CACNA1C: variants seen among roughly 807,000 people sequenced by gnomAD.
CACNA1C encodes the protein voltage-dependent L-type calcium channel subunit alpha-1C.
A neutral mutation model predicts 229.0 loss-of-function variants in CACNA1C; 30 were observed. The ratio of observed to expected loss-of-function variants is 0.13; its 90% CI spans 0.10 to 0.18. CACNA1C has a LOEUF of 0.18. Ranked by LOEUF, CACNA1C falls within the 10% of genes least tolerant of loss-of-function variation. The probability of loss-of-function intolerance (pLI) is 1.00; values close to 1 mark genes in which losing one functional copy is unlikely to be tolerated. For missense variants in CACNA1C, 1,658 were observed against 2,845.0 expected (o/e 0.58, Z 9.49); for synonymous variants, 1,114 against 1,132.5 (o/e 0.98, Z 0.33).
At chr12:2,095,050 G>C (rs542729230) in intron 1 of CACNA1C, among the ~76,000 whole-genome samples, 5 of 152,340 alleles carry the variant, frequency 3.3e-5, no homozygotes, top group Non-Finnish European at 7.3e-5. Context: ...ACGTAAATAA[G>C]TTGCCCGGGC....
intron 30 of CACNA1C, among the ~76,000 whole-genome samples, chr12:2,642,971 G>A (rs2093896369): frequency 6.6e-6 from 1 of 152,220 alleles, no homozygotes. Context: ...CTTCCAGCCA[G>A]CAAACTGGTC....
At chr12:2,004,431 T>A (rs762886785) in intron 1 of CACNA1C, 1 of 1,608,218 alleles carries the variant, frequency 6.2e-7, no homozygotes, top group Admixed American at 1.7e-5. Context: ...ACGGCTGCCA[T>A]CTTCCCTCCC....
intron 1 of CACNA1C, among the ~76,000 whole-genome samples, chr12:2,003,879 AC>A (rs898455097): frequency 6.6e-6 from 1 of 152,066 alleles, no homozygotes; most frequent in Non-Finnish European, 1.5e-5. Context: ...AGAACTCTGC[AC>A]TTTTATTCGT....
At chr12:2,255,883 C>A (rs12816047) in intron 3 of CACNA1C, among the ~76,000 whole-genome samples, 2 of 1,380 alleles carry the variant, frequency 1.4e-3, no homozygotes, top group African/African-American at 5.1e-3. Flanking sequence ...AATCACACGA[C>A]CCTGACCTGA....
chr12:2,666,884 C>A lies in CACNA1C; in HGVS notation c.4623+102C>A, dbSNP rs539936139. On this transcript the variant is annotated intron_variant, in intron 37 of 46. Transcript: ENST00000399655. This position sits in a 1 kb window ranked among gnomAD's most constrained non-coding sequence, Gnocchi z 5.3. ...GGGAATGAACATACTAGTTTATGTGCCTAAAGATTACATTTTAAGGGTCCT... is the reference window on the plus strand; with the variant it reads ...GGGAATGAACATACTAGTTTATGTGACTAAAGATTACATTTTAAGGGTCCT... 6.7e-6 allele frequency: 5 copies of A among 742,302 alleles called. No homozygotes were observed. Among genetic ancestry groups the A allele is most frequent in the Non-Finnish European group, 1.2e-5 (5 of 424,094 alleles). The allele number at this position is 742,302 out of a possible 1,614,324, so 46.0% of individuals were successfully genotyped here.
rs954931309 is a variant in CACNA1C at position 2,602,427 on chromosome 12, G to A, written c.2960+467G>A. Among the ~76,000 whole-genome samples the A allele has an allele frequency of 2.6e-5, 4 of 152,076 alleles. No homozygotes were observed. Among genetic ancestry groups the A allele is most frequent in the Non-Finnish European group, 5.9e-5 (4 of 68,010 alleles). On this transcript the variant is annotated intron_variant, in intron 22 of 46. Transcript: ENST00000399655. The surrounding 1 kb of genome is among the most constrained non-coding windows in gnomAD (Gnocchi z 4.4). ...TGTGTGTATATATATGTCTGTGTAAGTGTGGGGTGTATGTGTGCACGTGTG... is the reference window on the plus strand; with the variant it reads ...TGTGTGTATATATATGTCTGTGTAAATGTGGGGTGTATGTGTGCACGTGTG...
At chr12:2,013,548 T>C (rs892002498) in intron 1 of CACNA1C, among the ~76,000 whole-genome samples, 4 of 152,238 alleles carry the variant, frequency 2.6e-5, no homozygotes, top group Admixed American at 6.5e-5. Flanking sequence ...ATTTCTGTGA[T>C]GTCCTTGGGG....
intron 3 of CACNA1C, among the ~76,000 whole-genome samples, chr12:2,262,013 C>T (rs1010970985): frequency 5.3e-5 from 8 of 152,232 alleles, no homozygotes; most frequent in African/African-American, 1.9e-4. Context: ...GAAGGCAGTG[C>T]CAGGGCCAGG....
At chr12:2,547,770 C>A (rs2099884428) in intron 9 of CACNA1C, among the ~76,000 whole-genome samples, 1 of 152,190 alleles carries the variant, frequency 6.6e-6, no homozygotes, top group African/African-American at 2.4e-5. Context: ...CAGAGCTATT[C>A]CTCCAGGAGC....
intron 1 of CACNA1C, among the ~76,000 whole-genome samples, chr12:2,111,624 A>G (rs935595682): frequency 2.0e-5 from 3 of 152,106 alleles, no homozygotes; most frequent in African/African-American, 7.2e-5. Context: ...GGGAATGCCA[A>G]CAGTTGGGGA....
chr12:2,443,904 G>A (rs2099252258), intron 3 of CACNA1C, among the ~76,000 whole-genome samples: 1 of 152,190 alleles, frequency 6.6e-6, no homozygotes, highest in African/African-American at 2.4e-5. Context: ...TAGAAGGGCA[G>A]TCATGCCTCT....
At chr12:2,332,587 C>T (rs1456006907) in intron 3 of CACNA1C, among the ~76,000 whole-genome samples, 1 of 152,154 alleles carries the variant, frequency 6.6e-6, no homozygotes, top group Non-Finnish European at 1.5e-5. Flanking sequence ...AATGCAAAGA[C>T]GTATGCACAA....
At chr12:1,975,531 A>C (rs985426499) in intron 1 of CACNA1C, among the ~76,000 whole-genome samples, 1 of 152,136 alleles carries the variant, frequency 6.6e-6, no homozygotes, top group Non-Finnish European at 1.5e-5. Flanking sequence ...CTTATTAAGC[A>C]TTTAAGAAAA....
chr12:2,325,689 G>A (rs1179927367), intron 3 of CACNA1C, among the ~76,000 whole-genome samples: 1 of 152,230 alleles, frequency 6.6e-6, no homozygotes, highest in African/African-American at 2.4e-5. Context: ...TTCCCTTTGA[G>A]GGCAAACAGG....
chr12:2,528,910 C>T (rs1045465378), intron 9 of CACNA1C, among the ~76,000 whole-genome samples: 4 of 152,238 alleles, frequency 2.6e-5, no homozygotes, highest in South Asian at 2.1e-4. Flanking sequence ...GCCAAAAGGT[C>T]GCCCATTGGA....
intron 9 of CACNA1C, among the ~76,000 whole-genome samples, chr12:2,516,926 T>C (rs917181144): frequency 3.3e-5 from 5 of 152,206 alleles, no homozygotes. Context: ...GGTGTGAGTG[T>C]AGACAGAAGT....
At chr12:2,075,900 G>A (rs1225695508) in intron 1 of CACNA1C, among the ~76,000 whole-genome samples, 1 of 152,136 alleles carries the variant, frequency 6.6e-6, no homozygotes, top group Non-Finnish European at 1.5e-5. Flanking sequence ...AACAGGGGTT[G>A]GTATATTTAG....
At chr12:2,092,531 C>T (rs2071675595) in intron 1 of CACNA1C, among the ~76,000 whole-genome samples, 1 of 152,112 alleles carries the variant, frequency 6.6e-6, no homozygotes, top group Non-Finnish European at 1.5e-5. Context: ...GTTGTTTGTT[C>T]TCTTTGGGAC....
At chr12:2,147,017 C>T (rs897525690) in intron 3 of CACNA1C, among the ~76,000 whole-genome samples, 1 of 150,810 alleles carries the variant, frequency 6.6e-6, no homozygotes, top group East Asian at 1.9e-4. Context: ...AGCTCTCCAA[C>T]CCCCCCAATT....
Sources: allele counts gnomAD v4.1 joint callset (sites outside exome capture counted in the v4.1 genomes callset), GRCh38; gene constraint gnomAD v4.1.1; non-coding constraint Gnocchi (gnomAD v3.1); transcripts MANE v1.5; gene names NCBI Gene and HGNC (gene_info 2026-07-23, HGNC 2026-07-21).